GAREM1: variants seen among roughly 807,000 people sequenced by gnomAD.
The protein encoded by GAREM1 is GRB2-associated and regulator of MAPK protein 1.
GAREM1 carries 26 observed loss-of-function variants against 71.3 expected under a neutral mutation model. That is an observed-to-expected ratio of 0.36 (90% CI 0.27 to 0.51). The LOEUF (loss-of-function observed/expected upper bound fraction) is 0.51, where lower values mean the gene tolerates loss of function less well. Ranked by LOEUF, GAREM1 falls within the 20% of genes least tolerant of loss-of-function variation. The probability of loss-of-function intolerance (pLI) is 0.95; values close to 1 mark genes in which losing one functional copy is unlikely to be tolerated. For synonymous variants in GAREM1, 440 were observed against 433.2 expected, an observed-to-expected ratio of 1.02 and a Z score of -0.20; for missense variants, 1,026 against 1,103.1, an observed-to-expected ratio of 0.93 and a Z score of 0.99.
At position 32,447,358 on chromosome 18, in the gene GAREM1, T is replaced by C. The variant is rs563886395; in HGVS notation, c.121+22950A>G. Among the ~76,000 whole-genome samples, 11 of 152,294 alleles carry C rather than the reference T, an allele frequency of 7.2e-5. No individual in the cohort carries two copies. The East Asian group carries it at 1.3e-3, about 19-fold the overall frequency. The stretch of plus-strand genomic sequence containing the variant: ...AAACATTCAACTAAATTCTCTACTT[T>C]TGAATTTTTACTTTCGCATATTTAA... On this transcript the variant is annotated intron_variant, in intron 1 of 5. Transcript: ENST00000269209.
At chr18:32,364,022 ATATATGT>A (rs2047901110) in intron 2 of GAREM1, among the ~76,000 whole-genome samples, 1 of 52,102 alleles carries the variant, frequency 1.9e-5, no homozygotes, top group African/African-American at 1.5e-4. Flanking sequence ...ATATATATAT[ATATATGT>A]TTTTTTTTTT....
chr18:32,305,966 C>T (rs942830949), intron 3 of GAREM1, among the ~76,000 whole-genome samples: 2 of 152,170 alleles, frequency 1.3e-5, no homozygotes, highest in African/African-American at 4.8e-5. Flanking sequence ...ATACCTGCAT[C>T]GAGGGAGCCG....
chr18:32,469,417 T>C (rs541558835), intron 1 of GAREM1, among the ~76,000 whole-genome samples: 1 of 152,300 alleles, frequency 6.6e-6, no homozygotes, highest in South Asian at 2.1e-4. Context: ...TAAAATCGCA[T>C]GACGCCAAAG....
chr18:32,300,882 G>A (rs8098071), intron 3 of GAREM1, among the ~76,000 whole-genome samples: 3,304 of 141,690 alleles, frequency 0.023, 151 homozygotes, highest in African/African-American at 0.083. Flanking sequence ...CTCCAGCCCG[G>A]GCAACAAGAG....
At chr18:32,405,423 C>T (rs2144676827) in intron 1 of GAREM1, among the ~76,000 whole-genome samples, 1 of 152,280 alleles carries the variant, frequency 6.6e-6, no homozygotes, top group South Asian at 2.1e-4. Context: ...GTCTCAAACT[C>T]CTGACCTCAA....
intron 2 of GAREM1, among the ~76,000 whole-genome samples, chr18:32,353,480 T>G (rs1490060264): frequency 2.6e-5 from 4 of 152,188 alleles, no homozygotes; most frequent in Non-Finnish European, 5.9e-5. Context: ...TTAAAATAAT[T>G]TGTCACACTT....
chr18:32,360,565 G>C (rs929647879), intron 2 of GAREM1, among the ~76,000 whole-genome samples: 1 of 151,952 alleles, frequency 6.6e-6, no homozygotes, highest in Non-Finnish European at 1.5e-5. Context: ...TCTTTTTTGG[G>C]GGGGTGGGGA....
At chr18:32,398,056 G>C (rs1213471415) in intron 1 of GAREM1, among the ~76,000 whole-genome samples, 1 of 152,174 alleles carries the variant, frequency 6.6e-6, no homozygotes, top group Non-Finnish European at 1.5e-5. Context: ...ACCTGCTCCT[G>C]AATGACTACT....
chr18:32,383,585 C>T (rs1567988810), intron 2 of GAREM1, among the ~76,000 whole-genome samples: 1 of 152,230 alleles, frequency 6.6e-6, no homozygotes, highest in Non-Finnish European at 1.5e-5. Context: ...GAGACAAGCA[C>T]TTTCCCACCC....
chr18:32,458,888 T>G (rs760637485), intron 1 of GAREM1, among the ~76,000 whole-genome samples: 2 of 151,992 alleles, frequency 1.3e-5, no homozygotes, highest in Admixed American at 1.3e-4. Context: ...ATACCAACAT[T>G]CTAAAAATAA....
chr18:32,454,854 C>T (rs1468717152), intron 1 of GAREM1, among the ~76,000 whole-genome samples: 2 of 152,306 alleles, frequency 1.3e-5, no homozygotes, highest in Non-Finnish European at 2.9e-5. Flanking sequence ...ATCCCAACAA[C>T]TCTGTAGATG....
At position 32,364,875 on chromosome 18, in the gene GAREM1, GACACACAC is replaced by G. The variant is rs35309414; in HGVS notation, c.262+28012_262+28019del. Among the ~76,000 whole-genome samples, 849 of 144,576 alleles carry G rather than the reference GACACACAC, an allele frequency of 5.9e-3. 15 individuals are homozygous for G. The highest frequency in any genetic ancestry group is 0.02 in the African/African-American group (815 of 40,134). 94.8% of individuals were successfully genotyped at this position (144,576 alleles called of 152,430 possible). A position where few individuals can be genotyped will look rare whatever the true frequency, so the allele number is the denominator to read the frequency against. On this transcript the variant is annotated intron_variant, in intron 2 of 5. Coordinates refer to ENST00000269209, the MANE Select transcript of GAREM1 (RefSeq NM_001242409.2). ...TGTGCGAGGCACATATAAGAGCACA[GACACACAC>G]ACACACACACACACACACACAAATC...
At chr18:32,436,882 T>G (rs1390089620) in intron 1 of GAREM1, among the ~76,000 whole-genome samples, 1 of 152,162 alleles carries the variant, frequency 6.6e-6, no homozygotes, top group African/African-American at 2.4e-5. Flanking sequence ...CTAACCTCCT[T>G]ACTTACTAGC....
At chr18:32,448,917 G>T (rs548046715) in intron 1 of GAREM1, among the ~76,000 whole-genome samples, 16 of 152,196 alleles carry the variant, frequency 1.1e-4, no homozygotes, top group African/African-American at 3.9e-4. Context: ...TCAATAGCGG[G>T]ATCAGACCTC....
chr18:32,330,755 C>T (rs541422409), intron 2 of GAREM1, among the ~76,000 whole-genome samples: 88 of 152,104 alleles, frequency 5.8e-4, no homozygotes, highest in African/African-American at 2.0e-3. Flanking sequence ...CTTCCCCACG[C>T]TTTTATTTCT....
chr18:32,371,447 G>A (rs1365321432), intron 2 of GAREM1, among the ~76,000 whole-genome samples: 3 of 152,182 alleles, frequency 2.0e-5, no homozygotes, highest in Non-Finnish European at 4.4e-5. Context: ...TTGTATTAGG[G>A]CAGCAGAAGT....
At chr18:32,345,640 A>G (rs904845553) in intron 2 of GAREM1, among the ~76,000 whole-genome samples, 1 of 152,252 alleles carries the variant, frequency 6.6e-6, no homozygotes, top group Non-Finnish European at 1.5e-5. Flanking sequence ...TGCCCAAACA[A>G]GCAAATGCTT....
At chr18:32,346,059 C>A (rs554779682) in intron 2 of GAREM1, among the ~76,000 whole-genome samples, 6 of 152,004 alleles carry the variant, frequency 3.9e-5, no homozygotes, top group African/African-American at 1.5e-4. Context: ...GAATATATCA[C>A]GTATAGTTAC....
chr18:32,457,906 T>C (rs574880084), intron 1 of GAREM1, among the ~76,000 whole-genome samples: 2 of 152,286 alleles, frequency 1.3e-5, no homozygotes, highest in African/African-American at 4.8e-5. Context: ...TAAACTGGAC[T>C]TTTAATTTCT....
Sources: allele counts gnomAD v4.1 joint callset (sites outside exome capture counted in the v4.1 genomes callset), GRCh38; gene constraint gnomAD v4.1.1; transcripts MANE v1.5; gene names NCBI Gene and HGNC (gene_info 2026-07-23, HGNC 2026-07-21).